The following NCAM1 variants were observed in gnomAD, a reference collection of about 807,000 sequenced individuals.
NCAM1 encodes antigen recognized by monoclonal antibody 5.1H11.
In NCAM1, 14 loss-of-function variants were observed where a neutral mutation model predicts 109.8. The ratio of observed to expected loss-of-function variants is 0.13; its 90% confidence interval spans 0.08 to 0.20. The LOEUF is 0.20. NCAM1 is among the 10% of genes least tolerant of loss of function. The probability of loss-of-function intolerance (pLI) is 1.00; values close to 1 mark genes in which losing one functional copy is unlikely to be tolerated. For synonymous variants in NCAM1, 418 were observed against 442.9 expected (o/e 0.94, Z 0.70); for missense variants, 774 against 1,109.9 (o/e 0.70, Z 4.30).
At chr11:113,033,328 T>C (rs1352046696) in intron 1 of NCAM1, among the ~76,000 whole-genome samples, 38 of 152,248 alleles carry the variant, frequency 2.5e-4, no homozygotes, top group Middle Eastern at 3.4e-3. Flanking sequence ...GCAGCAGCAG[T>C]TGTTGTTGTT....
At chr11:113,089,488 G>T (rs1440317558) in intron 1 of NCAM1, among the ~76,000 whole-genome samples, 3 of 151,934 alleles carry the variant, frequency 2.0e-5, no homozygotes, top group Non-Finnish European at 2.9e-5. Context: ...CTTTATCGAG[G>T]TCTTGTTATG....
intron 17 of NCAM1, chr11:113,263,636 AC>A (rs1555123810): frequency 1.0e-6 from 1 of 985,470 alleles, no homozygotes; most frequent in Non-Finnish European, 1.2e-6. Context: ...TGATGTGCCA[AC>A]AAGTGTCAGC....
intron 1 of NCAM1, among the ~76,000 whole-genome samples, chr11:113,172,581 A>G (rs963615191): frequency 2.0e-5 from 3 of 152,156 alleles, no homozygotes; most frequent in African/African-American, 7.2e-5. Context: ...AAGATTGCAC[A>G]TTTTGTTTAA....
At chr11:113,197,870 C>G (rs1591408059) in intron 1 of NCAM1, among the ~76,000 whole-genome samples, 1 of 152,164 alleles carries the variant, frequency 6.6e-6, no homozygotes, top group Non-Finnish European at 1.5e-5. Context: ...TGATAAGCAC[C>G]TGAGCATCTT....
At chr11:113,182,772 C>T (rs1422519055) in intron 1 of NCAM1, among the ~76,000 whole-genome samples, 2 of 152,140 alleles carry the variant, frequency 1.3e-5, no homozygotes. Context: ...GACTGGGGAG[C>T]GGGGCTGCAA....
At chr11:113,157,804 A>C (rs1274263583) in intron 1 of NCAM1, among the ~76,000 whole-genome samples, 1 of 152,132 alleles carries the variant, frequency 6.6e-6, no homozygotes, top group Non-Finnish European at 1.5e-5. Context: ...AAATTATTTT[A>C]ATATCTGCCT....
rs1555114109 is a variant in NCAM1, at chr11:113,214,497, A to G, written c.1045A>G (p.Ser349Gly). 1.2e-6 allele frequency: 2 copies of G among 1,608,458 alleles called. No homozygotes were observed. The highest frequency in any genetic ancestry group is 1.3e-5 in the African/African-American group (1 of 74,864). The change falls in exon 8 of 20, where the codon AGC becomes GGC. Residue 349 changes from serine (S) to glycine (G), a missense_variant. By Grantham distance (56) the Ser-to-Gly change is moderately conservative. Coordinates refer to ENST00000316851, the MANE Select transcript of NCAM1 (RefSeq NM_181351.5). ...ITWRTSTRNI[S>G]SEEKASWTRP... ...CTGGAGGACTTCTACCCGGAACATC[A>G]GCAGCGAAGAAAAGGTATCATGCTC...
At chr11:112,979,036 T>C (rs546564110) in intron 1 of NCAM1, among the ~76,000 whole-genome samples, 19 of 151,956 alleles carry the variant, frequency 1.3e-4, no homozygotes, top group Admixed American at 1.3e-4. Flanking sequence ...GATCCTCTGA[T>C]TTTATTTCGA....
chr11:113,140,408 A>C (rs1164277088), intron 1 of NCAM1, among the ~76,000 whole-genome samples: 1 of 152,172 alleles, frequency 6.6e-6, no homozygotes, highest in Non-Finnish European at 1.5e-5. Flanking sequence ...GTGGTCCAGC[A>C]TTATGAAGTG....
chr11:113,243,570 A>G, intron 14 of NCAM1: 1 of 518,824 alleles, frequency 1.9e-6, no homozygotes, highest in South Asian at 1.4e-5. Context: ...GCACAGAATC[A>G]CTGCTGTAAC....
chr11:113,137,057 G>T (rs1941627629), intron 1 of NCAM1, among the ~76,000 whole-genome samples: 1 of 152,140 alleles, frequency 6.6e-6, no homozygotes, highest in South Asian at 2.1e-4. Flanking sequence ...GGGAAGGAAA[G>T]ATTGAAAAAT....
intron 1 of NCAM1, among the ~76,000 whole-genome samples, chr11:112,984,358 T>A (rs1432481099): frequency 2.0e-5 from 3 of 151,884 alleles, no homozygotes; most frequent in Admixed American, 2.0e-4. Context: ...AACATAGGAG[T>A]GCACATATCT....
At chr11:113,061,788 G>A (rs1937657826) in intron 1 of NCAM1, among the ~76,000 whole-genome samples, 1 of 152,242 alleles carries the variant, frequency 6.6e-6, no homozygotes, top group African/African-American at 2.4e-5. Flanking sequence ...GATCATGACA[G>A]TAACAGAAAA....
intron 14 of NCAM1, among the ~76,000 whole-genome samples, chr11:113,237,937 GATAT>G (rs55807221): frequency 0.72 from 102,518 of 143,132 alleles, 38,000 homozygotes; most frequent in South Asian, 0.88. Context: ...TAGATATATA[GATAT>G]ATATATAGAT....
At chr11:113,239,540 C>T (rs1945267848) in intron 14 of NCAM1, among the ~76,000 whole-genome samples, 1 of 125,080 alleles carries the variant, frequency 8.0e-6, no homozygotes, top group Non-Finnish European at 1.6e-5. Flanking sequence ...GAGTCTCGCT[C>T]TGTCGCCCAG....
At chr11:113,097,703 C>G (rs920866528) in intron 1 of NCAM1, among the ~76,000 whole-genome samples, 5 of 150,178 alleles carry the variant, frequency 3.3e-5, no homozygotes, top group Non-Finnish European at 5.9e-5. Context: ...TAAATGGTTC[C>G]TTAAAGGACA....
intron 1 of NCAM1, among the ~76,000 whole-genome samples, chr11:113,010,470 C>G (rs1952018431): frequency 6.6e-6 from 1 of 152,144 alleles, no homozygotes; most frequent in South Asian, 2.1e-4. Context: ...AATACAATAG[C>G]TGATAATAAA....
intron 1 of NCAM1, among the ~76,000 whole-genome samples, chr11:113,004,317 A>G (rs1480670051): frequency 6.6e-6 from 1 of 151,760 alleles, no homozygotes; most frequent in Non-Finnish European, 1.5e-5. Flanking sequence ...AGATGGTGAA[A>G]CCCTGTTTCT....
At chr11:113,084,978 C>A (rs1939011822) in intron 1 of NCAM1, among the ~76,000 whole-genome samples, 1 of 152,182 alleles carries the variant, frequency 6.6e-6, no homozygotes, top group Non-Finnish European at 1.5e-5. Context: ...TCACCCTGGA[C>A]CCCCGATGGT....
Sources: gnomAD v4.1 joint callset for allele counts (sites outside exome capture counted in the v4.1 genomes callset) on GRCh38, gnomAD v4.1.1 for gene constraint, MANE v1.5 for transcripts, NCBI Gene and HGNC (gene_info 2026-07-23, HGNC 2026-07-21) for gene names.